The following SLC22A14 variants were observed in gnomAD, a reference collection of about 807,000 sequenced individuals.
SLC22A14 encodes solute carrier family 22 member 14.
Under a neutral mutation model 53.9 loss-of-function variants are expected in SLC22A14, and 50 were observed. That is an observed-to-expected ratio of 0.93 (90% CI 0.74 to 1.17). The LOEUF is 1.17. Among genes scored for constraint, SLC22A14 ranks in the 50% most tolerant of loss-of-function variants. The pLI, the probability that SLC22A14 is intolerant of heterozygous loss-of-function variation, is 0.00. For missense variants in SLC22A14, 671 were observed against 734.7 expected, an observed-to-expected ratio of 0.91 and a Z score of 1.00; for synonymous variants, 312 against 303.0, an observed-to-expected ratio of 1.03 and a Z score of -0.31.
intron 1 of SLC22A14, among the ~76,000 whole-genome samples, chr3:38,289,362 T>A (rs1038749049): frequency 6.6e-6 from 1 of 152,000 alleles, no homozygotes; most frequent in South Asian, 2.1e-4. Context: ...CCACTAACAT[T>A]CTTTTCCCAG....
chr3:38,280,770 C>T (rs1311431509), upstream of SLC22A14, among the ~76,000 whole-genome samples: 1 of 152,160 alleles, frequency 6.6e-6, no homozygotes, highest in Non-Finnish European at 1.5e-5. Flanking sequence ...ACTGGGATTA[C>T]AGGTGTGCGC....
chr3:38,297,859 AC>A (rs1704074865), intron 1 of SLC22A14, among the ~76,000 whole-genome samples: 2 of 152,008 alleles, frequency 1.3e-5, no homozygotes, highest in Non-Finnish European at 2.9e-5. Context: ...AGTGAGACAC[AC>A]TCTGATATTA....
chr3:38,287,417 T>C (rs1194652894), intron 1 of SLC22A14, among the ~76,000 whole-genome samples: 1 of 152,118 alleles, frequency 6.6e-6, no homozygotes, highest in Non-Finnish European at 1.5e-5. Flanking sequence ...CTATTAAAAG[T>C]GTTGTTCTTG....
At position 38,316,452 on chromosome 3, in the gene SLC22A14, C is replaced by G; in HGVS notation, c.1661C>G (p.Ser554Cys). 1.2e-6 allele frequency: 2 copies of G among 1,614,158 alleles called. No homozygotes were observed. Among genetic ancestry groups the G allele is most frequent in the Non-Finnish European group, 1.7e-6 (2 of 1,179,986 alleles). The stretch of plus-strand genomic sequence containing the variant: ...TGCGTCTTAGCCATCGTGGCCTTTT[C>G]CCTCTCCTCCCTGCTGCCGGAAACG... ...LCCVLAIVAFSLSSLLPETRD... is the reference protein window; with the variant it reads ...LCCVLAIVAFCLSSLLPETRD... Residue 554 changes from serine (S) to cysteine (C), a missense_variant, in exon 10 of 11, where the codon TCC becomes TGC. Ser to Cys is a moderately radical substitution (Grantham distance 112). Transcript: ENST00000448498.
Position 38,309,013 on chromosome 3 carries a change from T to C in SLC22A14, c.835T>C (p.Phe279Leu), listed in dbSNP as rs1704393517. The C allele has an allele frequency of 6.2e-7, 1 of 1,614,162 alleles. No individual in the cohort carries two copies. The highest frequency in any genetic ancestry group is 8.5e-7 in the Non-Finnish European group (1 of 1,179,962). The change falls in exon 5 of 11, where the codon TTC (phenylalanine) becomes CTC (leucine). Residue 279 changes from phenylalanine to leucine, a missense_variant. By Grantham distance (22) the Phe-to-Leu change is conservative. Coordinates refer to ENST00000448498, the MANE Select transcript of SLC22A14 (RefSeq NM_001320033.2). ...TGCCATTATCCTGGGACACTGCTTT[T>C]TCGCTGTTGGGGCCGTGTTGCTGAC... is the stretch of plus-strand genomic sequence containing the variant. ...AHAIILGHCFFAVGAVLLTGI... is the reference protein window; with the variant it reads ...AHAIILGHCFLAVGAVLLTGI...
Position 38,313,820 on chromosome 3 carries a change from G to A in SLC22A14, c.1257G>A (p.Met419Ile), listed in dbSNP as rs140806998. 1 of 1,614,012 alleles carries A rather than the reference G, an allele frequency of 6.2e-7. No individual in the cohort carries two copies. The highest frequency in any genetic ancestry group is 1.3e-5 in the African/African-American group (1 of 74,910). The change falls in exon 8 of 11, where the codon ATG (methionine) becomes ATA (isoleucine). Residue 419 changes from methionine (M) to isoleucine (I), a missense_variant. Coordinates refer to ENST00000448498, the MANE Select transcript of SLC22A14 (RefSeq NM_001320033.2). ...VHFRHVVPSI[M>I]EVPARLCCIF... ...TCAGACACGTGGTCCCCAGCATCAT[G>A]GAGGTGCCTGCCCGGCTGTGCTGCA...
Position 38,316,462 on chromosome 3 carries a change from C to G in SLC22A14, c.1671C>G (p.Ser557=). 1 of 1,614,164 alleles carries G rather than the reference C, an allele frequency of 6.2e-7. No homozygotes were observed. The highest frequency in any genetic ancestry group is 8.5e-7 in the Non-Finnish European group (1 of 1,179,996). Residue 557 remains serine, a synonymous_variant, in exon 10 of 11, where the codon TCC becomes TCG. Transcript: ENST00000448498. ...CCATCGTGGCCTTTTCCCTCTCCTC[C>G]CTGCTGCCGGAAACGCGAGATCAGC... is the stretch of plus-strand genomic sequence containing the variant. ...VLAIVAFSLS[S]LLPETRDQPL... is the part of the protein sequence containing the mutation.
rs189542898 is a variant in SLC22A14 at position 38,285,157 on chromosome 3, A to G, written c.-1+2818A>G. On this transcript the variant is annotated intron_variant, in intron 1 of 10. Coordinates refer to ENST00000448498, the MANE Select transcript of SLC22A14 (RefSeq NM_001320033.2). The stretch of plus-strand genomic sequence containing the variant: ...TGAAGATGAGTTTTGGCTGTGGAAA[A>G]TACTAAGAGCAAGTAGTAGCAGGCA... 4.4e-3 allele frequency among the ~76,000 whole-genome samples: 670 copies of G among 152,302 alleles called. 6 individuals are homozygous for G. The highest frequency in any genetic ancestry group is 5.5e-3 in the Non-Finnish European group (373 of 68,020).
Position 38,307,503 on chromosome 3 carries a change from A to T in SLC22A14, c.621-63A>T. The T allele has an allele frequency of 1.9e-6, 3 of 1,600,412 alleles. No individual in the cohort carries two copies. Among genetic ancestry groups the T allele is most frequent in the Non-Finnish European group, 1.7e-6 (2 of 1,171,508 alleles). ...ATGGCTCAGGGCCTGGCCCAGGTGT[A>T]TCCGGCTGGGGCCAGCCCGGGAGAT... On this transcript the variant is annotated intron_variant, in intron 3 of 10. Coordinates refer to ENST00000448498, the MANE Select transcript of SLC22A14 (RefSeq NM_001320033.2). The surrounding 1 kb of genome is among the most constrained non-coding windows in gnomAD (Gnocchi z 4.4).
intron 1 of SLC22A14, among the ~76,000 whole-genome samples, chr3:38,301,067 C>A (rs73825515): frequency 1.3e-5 from 2 of 152,032 alleles, no homozygotes; most frequent in African/African-American, 2.4e-5. Flanking sequence ...ATTTCTCCCC[C>A]CTCAGCCTCC....
intron 1 of SLC22A14, among the ~76,000 whole-genome samples, chr3:38,297,430 G>A (rs1704064855): frequency 1.3e-5 from 2 of 151,328 alleles, no homozygotes; most frequent in South Asian, 4.2e-4. Context: ...CCCTAAATCT[G>A]TTTGGTGGTG....
At chr3:38,281,449 AT>A (rs1245022333), upstream of SLC22A14, among the ~76,000 whole-genome samples, 1 of 152,150 alleles carries the variant, frequency 6.6e-6, no homozygotes, top group African/African-American at 2.4e-5. Context: ...TAGGGAATAC[AT>A]CTGGTAAGGG....
intron 1 of SLC22A14, among the ~76,000 whole-genome samples, chr3:38,304,571 T>C (rs1559549365): frequency 1.3e-5 from 2 of 152,112 alleles, no homozygotes; most frequent in African/African-American, 4.8e-5. Context: ...TTGAATTTTC[T>C]TGTAAAGACA....
intron 2 of SLC22A14, 88 bp downstream of exon 2, chr3:38,306,630 C>T (rs1704314362): frequency 2.3e-6 from 3 of 1,327,070 alleles, no homozygotes; most frequent in Non-Finnish European, 3.1e-6. Context: ...GAAACCGAAG[C>T]TCAGAGATGG....
Position 38,318,366 on chromosome 3 carries a change from G to A in SLC22A14, c.*117G>A. ...GAGGAAGCAAACAGCCAGGCTCCCT[G>A]AGGGCCAGGCCCCCAGACCATCTTG... On this transcript the variant is annotated 3_prime_UTR_variant, in exon 11 of 11. Transcript: ENST00000448498. The A allele has an allele frequency of 2.1e-6, 2 of 971,620 alleles. No individual in the cohort carries two copies. The highest frequency in any genetic ancestry group is 3.3e-6 in the Non-Finnish European group (2 of 604,664). The allele number at this position is 971,620 out of a possible 1,614,324, so 60.2% of individuals were successfully genotyped here.
chr3:38,291,504 A>C (rs1357244033), intron 1 of SLC22A14, among the ~76,000 whole-genome samples: 1 of 152,180 alleles, frequency 6.6e-6, no homozygotes. Flanking sequence ...ATATCATGAG[A>C]TGTCCACACA....
Position 38,316,323 on chromosome 3 carries a change from G to C in SLC22A14, c.1533-1G>C. 1.2e-6 allele frequency: 2 copies of C among 1,614,000 alleles called. No individual in the cohort carries two copies. The highest frequency in any genetic ancestry group is 8.5e-7 in the Non-Finnish European group (1 of 1,179,960). Reference sequence around the variant, plus strand: ...ACAGGAGCTCTCACCTCCACTTTCAGGGCGACAGGTCTGGGGCTGGTGTCT... The same window carrying C: ...ACAGGAGCTCTCACCTCCACTTTCACGGCGACAGGTCTGGGGCTGGTGTCT... On this transcript the variant is annotated splice_acceptor_variant, in intron 9 of 10. Transcript: ENST00000448498. LOFTEE classifies it high-confidence loss of function.
At position 38,307,506 on chromosome 3, in the gene SLC22A14, C is replaced by T. The variant is rs146047578; in HGVS notation, c.621-60C>T. On this transcript the variant is annotated intron_variant, in intron 3 of 10. Transcript: ENST00000448498. The surrounding 1 kb of genome is among the most constrained non-coding windows in gnomAD (Gnocchi z 4.4). ...GCTCAGGGCCTGGCCCAGGTGTATC[C>T]GGCTGGGGCCAGCCCGGGAGATCCC... The T allele has an allele frequency of 1.1e-5, 18 of 1,600,602 alleles. No homozygotes were observed. In the African/African-American group the frequency reaches 1.2e-4, roughly 11 times the overall value.
At position 38,307,749 on chromosome 3, in the gene SLC22A14, A is replaced by T; in HGVS notation, c.775+29A>T. On this transcript the variant is annotated intron_variant, in intron 4 of 10. Coordinates refer to ENST00000448498, the MANE Select transcript of SLC22A14 (RefSeq NM_001320033.2). The surrounding 1 kb of genome is among the most constrained non-coding windows in gnomAD (Gnocchi z 4.4). ...AGACTGGGCCTCAATGGGGCAGGGC[A>T]GGGTGGCACAGGGGCATGGCGGCAT... is the stretch of plus-strand genomic sequence containing the variant. 1 of 1,612,072 alleles carries T rather than the reference A, an allele frequency of 6.2e-7. No individual in the cohort carries two copies. The highest frequency in any genetic ancestry group is 8.5e-7 in the Non-Finnish European group (1 of 1,178,818).
Sources: gnomAD v4.1 joint callset for allele counts (sites outside exome capture counted in the v4.1 genomes callset) on GRCh38, gnomAD v4.1.1 for gene constraint, Gnocchi (gnomAD v3.1) non-coding constraint, MANE v1.5 for transcripts, NCBI Gene and HGNC (gene_info 2026-07-23, HGNC 2026-07-21) for gene names.